The following CDH15 variants were observed in gnomAD, a reference collection of about 807,000 sequenced individuals.
CDH15 encodes the protein cadherin-15.
Under a neutral mutation model 69.4 loss-of-function variants are expected in CDH15, and 73 were observed. The ratio of observed to expected loss-of-function variants is 1.05; its 90% CI spans 0.87 to 1.28. The LOEUF (loss-of-function observed/expected upper bound fraction) is 1.28. Ranked by LOEUF, CDH15 falls within the 50% of genes most tolerant of loss-of-function variation. The pLI, the probability that CDH15 is intolerant of heterozygous loss-of-function variation, is 0.00. For synonymous variants in CDH15, 624 were observed against 507.7 expected, an observed-to-expected ratio of 1.23 and a Z score of -3.08; for missense variants, 1,343 against 1,133.6, an observed-to-expected ratio of 1.18 and a Z score of -2.65.
intron 1 of CDH15, among the ~76,000 whole-genome samples, chr16:89,179,004 G>A (rs559402920): frequency 2.1e-4 from 32 of 152,330 alleles, no homozygotes; most frequent in African/African-American, 7.7e-4. Flanking sequence ...CACCTGGGGC[G>A]AGGCTGTGTC....
chr16:89,193,681 A>G lies in CDH15; in HGVS notation c.1993-74A>G, dbSNP rs866317656. ...CGGGCCTTCTTACAACAAGCTGGCC[A>G]GGAGCCTGTACCTGAGACCTCCACC... On this transcript the variant is annotated intron_variant, in intron 12 of 13. Coordinates refer to ENST00000289746, the MANE Select transcript of CDH15 (RefSeq NM_004933.3). The G allele has an allele frequency of 1.8e-5, 29 of 1,570,038 alleles. No homozygotes were observed. In the South Asian group the frequency reaches 2.7e-4, roughly 14 times the overall value.
At chr16:89,180,874 C>T (rs537693513) in intron 3 of CDH15, among the ~76,000 whole-genome samples, 26 of 151,810 alleles carry the variant, frequency 1.7e-4, no homozygotes, top group Non-Finnish European at 3.7e-4. Flanking sequence ...CAGGCCCCTG[C>T]CACCATGCCC....
At chr16:89,174,394 C>G (rs1053519624) in intron 1 of CDH15, among the ~76,000 whole-genome samples, 1 of 152,202 alleles carries the variant, frequency 6.6e-6, no homozygotes, top group Admixed American at 6.5e-5. Context: ...CCTAGAATCT[C>G]GTAGCACCCT....
At chr16:89,189,780 A>C (rs1365582827) in intron 7 of CDH15, among the ~76,000 whole-genome samples, 2 of 152,242 alleles carry the variant, frequency 1.3e-5, no homozygotes, top group African/African-American at 4.8e-5. Flanking sequence ...TACTGCAAGA[A>C]ATTGGCTCAT....
chr16:89,187,701 G>T, intron 6 of CDH15, 144 bp downstream of exon 6: 1 of 1,233,462 alleles, frequency 8.1e-7, no homozygotes. Flanking sequence ...GCGGGTGGAA[G>T]CCCAAGCTGG....
intron 2 of CDH15, 143 bp downstream of exon 2, chr16:89,179,717 G>A (rs1007486823): frequency 2.0e-5 from 17 of 847,444 alleles, no homozygotes; most frequent in Admixed American, 1.8e-4. Flanking sequence ...CCTTGCCAGG[G>A]CTCTGGGCTT....
chr16:89,194,733 C>G (rs1479789355), intron 13 of CDH15, 129 bp from the exon 14 acceptor site: 2 of 913,046 alleles, frequency 2.2e-6, no homozygotes, highest in African/African-American at 3.3e-5. Flanking sequence ...CAGACCTCGC[C>G]CCCGGACGTG....
rs750575722 is a variant in CDH15 at position 89,193,498 on chromosome 16, G to A, written c.1884G>A (p.Ala628=). The part of the protein sequence containing the change: ...LVLVLLVALR[A]RFWKQSRGKG... ...TGGTCCTGCTCGTGGCACTCCGGGC[G>A]CGGTTCTGGAAGCAGTCTCGGGGCA... The change falls in exon 12 of 14, where the codon GCG becomes GCA. Residue 628 remains alanine (A), a synonymous_variant. Coordinates refer to ENST00000289746, the MANE Select transcript of CDH15 (RefSeq NM_004933.3). 3.7e-6 allele frequency: 6 copies of A among 1,611,676 alleles called. No homozygotes were observed. In the Admixed American group the frequency reaches 5.0e-5, roughly 13 times the overall value.
chr16:89,190,628 T>C (rs2073510922), intron 8 of CDH15, 132 bp downstream of exon 8: 6 of 1,211,570 alleles, frequency 5.0e-6, no homozygotes, highest in Non-Finnish European at 6.9e-6. Context: ...CCTGAAGGTC[T>C]GGAGGGTCTC....
At chr16:89,171,978 G>A in intron 1 of CDH15, 105 bp downstream of exon 1, 1 of 1,268,800 alleles carries the variant, frequency 7.9e-7, no homozygotes, top group Non-Finnish European at 1.1e-6. Flanking sequence ...ACTGGCCCTG[G>A]TCGCCTTTGG....
chr16:89,191,779 C>T lies in CDH15; in HGVS notation c.1500C>T (p.Gly500=). The change falls in exon 10 of 14, where the codon GGC becomes GGT. Residue 500 remains glycine, a synonymous_variant. Transcript: ENST00000289746. ...SLCSEPHQGP[G]LLLGATDEDL... ...GCAGCGAGCCACACCAAGGCCCAGG[C>T]CTCCTCCTGGGCGCCACGGATGAGG... 1.9e-6 allele frequency: 3 copies of T among 1,606,460 alleles called. No individual in the cohort carries two copies. Among genetic ancestry groups the T allele is most frequent in the East Asian group, 2.2e-5 (1 of 44,848 alleles).
Position 89,194,955 on chromosome 16 carries a change from C to T in CDH15, c.2245C>T (p.Leu749=). Residue 749 remains leucine (L), a synonymous_variant, in exon 14 of 14, where the codon CTG becomes TTG. Transcript: ENST00000289746. ...GGGTGACGGCTCGGTGGCGGGGACG[C>T]TGAGCTCCATCCTGTCCAGCCAGGG... ...YEGDGSVAGT[L]SSILSSQGDE... is the part of the protein sequence containing the mutation. The T allele has an allele frequency of 6.2e-7, 1 of 1,609,698 alleles. No individual in the cohort carries two copies. Among genetic ancestry groups the T allele is most frequent in the Non-Finnish European group, 8.5e-7 (1 of 1,178,764 alleles).
intron 5 of CDH15, 45 bp from the exon 6 acceptor site, chr16:89,187,384 C>A (rs1290261947): frequency 1.2e-6 from 2 of 1,608,730 alleles, no homozygotes; most frequent in East Asian, 4.5e-5. Flanking sequence ...CCCCATGTGC[C>A]CCACCTGGGC....
At chr16:89,172,889 C>T (rs540382315) in intron 1 of CDH15, among the ~76,000 whole-genome samples, 2 of 152,196 alleles carry the variant, frequency 1.3e-5, no homozygotes, top group Non-Finnish European at 2.9e-5. Flanking sequence ...ATTCATTGCT[C>T]TTGTGGTCCT....
chr16:89,187,550 G>C lies in CDH15; in HGVS notation c.785G>C (p.Arg262Thr). Residue 262 changes from arginine (R) to threonine (T), a missense_variant, in exon 6 of 14, where the codon AGG becomes ACG. Physicochemically the swap from Arg to Thr is moderately conservative, Grantham distance 71. Coordinates refer to ENST00000289746, the MANE Select transcript of CDH15 (RefSeq NM_004933.3). ...DINDNAPEFT[R>T]DEFFMEAIEA... ...AATGACAATGCCCCCGAGTTCACCA[G>C]GGATGAGGTGCTGCTGCTGTCCCTC... The C allele has an allele frequency of 3.1e-6, 5 of 1,613,552 alleles. No individual in the cohort carries two copies. Among genetic ancestry groups the C allele is most frequent in the Non-Finnish European group, 3.4e-6 (4 of 1,180,050 alleles).
intron 2 of CDH15, among the ~76,000 whole-genome samples, chr16:89,179,961 C>G (rs113975262): frequency 6.6e-6 from 1 of 152,222 alleles, no homozygotes; most frequent in Non-Finnish European, 1.5e-5. Context: ...GAGACCAGGG[C>G]CCTGAGGACA....
chr16:89,185,083 G>A (rs1915452147), intron 4 of CDH15, 90 bp from the exon 5 acceptor site: 5 of 1,294,152 alleles, frequency 3.9e-6, no homozygotes, highest in Non-Finnish European at 3.2e-6. Context: ...CGGGGAGCCT[G>A]TGCACACGAG....
rs138712131 is a variant in CDH15 at position 89,193,526 on chromosome 16, G to C, written c.1912G>C (p.Gly638Arg). ...GTTCTGGAAGCAGTCTCGGGGCAAGGGGCTGCTGCACGGCCCCCAGGACGA... is the reference window on the plus strand; with the variant it reads ...GTTCTGGAAGCAGTCTCGGGGCAAGCGGCTGCTGCACGGCCCCCAGGACGA... The part of the protein sequence containing the change: ...ARFWKQSRGK[G>R]LLHGPQDDLR... The change falls in exon 12 of 14, where the codon GGG (glycine) becomes CGG (arginine). Residue 638 changes from glycine to arginine, a missense_variant. Gly to Arg is a moderately radical substitution (Grantham distance 125). Coordinates refer to ENST00000289746, the MANE Select transcript of CDH15 (RefSeq NM_004933.3). 3.7e-6 allele frequency: 6 copies of C among 1,612,134 alleles called. No homozygotes were observed. Among genetic ancestry groups the C allele is most frequent in the Non-Finnish European group, 5.1e-6 (6 of 1,179,762 alleles).
rs970923937 is a variant in CDH15, at chr16:89,191,999, G to A, written c.1615+105G>A. The stretch of plus-strand genomic sequence containing the variant: ...AGGGTGAGGGGCATGCAAACCCGTG[G>A]TCCTGCAACAGGTCCCCTCCCGCCA... On this transcript the variant is annotated intron_variant, in intron 10 of 13. Coordinates refer to ENST00000289746, the MANE Select transcript of CDH15 (RefSeq NM_004933.3). 4.8e-6 allele frequency: 6 copies of A among 1,255,996 alleles called. No individual in the cohort carries two copies. In the Admixed American group the frequency reaches 6.3e-5, roughly 13 times the overall value. The allele number at this position is 1,255,996 out of a possible 1,614,324, so 77.8% of individuals were successfully genotyped here.
Sources: gnomAD v4.1 joint callset for allele counts (sites outside exome capture counted in the v4.1 genomes callset) on GRCh38, gnomAD v4.1.1 for gene constraint, MANE v1.5 for transcripts, NCBI Gene and HGNC (gene_info 2026-07-23, HGNC 2026-07-21) for gene names.